The following PRDM8 variants were observed in gnomAD, a reference collection of about 807,000 sequenced individuals.
PRDM8 encodes the protein PR/SET domain 8, also known as PR domain zinc finger protein 8.
PRDM8 carries 13 observed loss-of-function variants against 46.5 expected under a neutral mutation model. That is an observed-to-expected ratio of 0.28 (90% CI 0.18 to 0.44). The LOEUF is 0.44. Ranked by LOEUF, PRDM8 falls within the 20% of genes least tolerant of loss-of-function variation. The pLI, the probability that PRDM8 is intolerant of heterozygous loss-of-function variation, is 1.00. For missense variants in PRDM8, 998 were observed against 955.0 expected (o/e 1.04, Z -0.59); for synonymous variants, 473 against 438.4 (o/e 1.08, Z -0.98).
chr4:80,203,222 C>A lies in PRDM8; in HGVS notation c.1760C>A (p.Ala587Asp), dbSNP rs1738708321. 3 of 1,554,294 alleles carry A rather than the reference C, an allele frequency of 1.9e-6. No homozygotes were observed. The highest frequency in any genetic ancestry group is 2.6e-6 in the Non-Finnish European group (3 of 1,151,232). Residue 587 changes from alanine to aspartate, a missense_variant, in exon 4 of 4, where the codon GCT (alanine) becomes GAT (aspartate). Transcript: ENST00000415738. ...ACCGCCTTCTGGCCCAAGAGCTCCG[C>A]TGCCGCTGCAGCCGCGGCTGCGGCG... is the stretch of plus-strand genomic sequence containing the variant. ...YATAFWPKSS[A>D]AAAAAAAAAA...
chr4:80,188,764 G>T (rs1737313853), intron 1 of PRDM8, among the ~76,000 whole-genome samples: 1 of 152,226 alleles, frequency 6.6e-6, no homozygotes, highest in African/African-American at 2.4e-5. Flanking sequence ...TAAAGCTCCC[G>T]TTCAGGGCTG....
chr4:80,202,188 A>G lies in PRDM8; in HGVS notation c.726A>G (p.Glu242=). The change falls in exon 4 of 4, where the codon GAA becomes GAG. Residue 242 remains glutamate (E), a synonymous_variant. Transcript: ENST00000415738. The stretch of plus-strand genomic sequence containing the variant: ...ACCACTACCCATCCCCCTCCCCGGA[A>G]AGCAGCAACCCATCCGCTGCCGCCG... ...PLHHYPSPSP[E]SSNPSAAAGG... 4 of 1,611,290 alleles carry G rather than the reference A, an allele frequency of 2.5e-6. No individual in the cohort carries two copies. The highest frequency in any genetic ancestry group is 3.4e-6 in the Non-Finnish European group (4 of 1,179,616).
At position 80,200,148 on chromosome 4, in the gene PRDM8, C is replaced by T. The variant is rs752328279; in HGVS notation, c.68C>T (p.Thr23Ile). 1.2e-6 allele frequency: 2 copies of T among 1,614,126 alleles called. No individual in the cohort carries two copies. Among genetic ancestry groups the T allele is most frequent in the Non-Finnish European group, 1.7e-6 (2 of 1,180,004 alleles). ...GCCAAGGCTGTCCAACAATGTCTGA[C>T]AGATATTTTTACCAGCGTTTACACC... Reference protein sequence around the residue: ...GDAKAVQQCLTDIFTSVYTTC... With the variant: ...GDAKAVQQCLIDIFTSVYTTC... The change falls in exon 2 of 4, where the codon ACA becomes ATA. Residue 23 changes from threonine (T) to isoleucine (I), a missense_variant. Thr to Ile is a moderately conservative substitution (Grantham distance 89). Transcript: ENST00000415738.
chr4:80,196,748 A>C (rs907815910), upstream of PRDM8: 24 of 871,466 alleles, frequency 2.8e-5, no homozygotes, highest in Non-Finnish European at 3.2e-5. Flanking sequence ...AAACAAACAA[A>C]AAAAAAACAG....
In PRDM8 at chr4:80,201,931, T is replaced by A. The variant is rs1214359984; in HGVS notation, c.469T>A (p.Cys157Ser). Residue 157 changes from cysteine to serine, a missense_variant, in exon 4 of 4, where the codon TGC (cysteine) becomes AGC (serine). Transcript: ENST00000415738. ...CTAAGCAGGGTCGTCCCCTTACACA[T>A]GCCTGGAATGCAGCCAACGTTTCCA... ...NKMNGSSPYT[C>S]LECSQRFQFE... is the part of the protein sequence containing the mutation. 2 of 1,613,976 alleles carry A rather than the reference T, an allele frequency of 1.2e-6. No homozygotes were observed. Among genetic ancestry groups the A allele is most frequent in the Admixed American group, 1.7e-5 (1 of 60,016 alleles).
At chr4:80,191,247 A>G (rs1001744016) in intron 1 of PRDM8, among the ~76,000 whole-genome samples, 1 of 152,236 alleles carries the variant, frequency 6.6e-6, no homozygotes, top group African/African-American at 2.4e-5. Context: ...CCATATATGC[A>G]TAGAGGACAA....
In PRDM8 at chr4:80,200,182, C is replaced by T. The variant is rs1345714740; in HGVS notation, c.102C>T (p.Asp34=). 4 of 1,613,990 alleles carry T rather than the reference C, an allele frequency of 2.5e-6. No individual in the cohort carries two copies. Among genetic ancestry groups the T allele is most frequent in the Non-Finnish European group, 3.4e-6 (4 of 1,179,968 alleles). ...DIFTSVYTTC[D]IPENAIFGPC... ...TTACCAGCGTTTACACCACCTGCGACATCCCTGAGAATGCTATATTTGGTC... is the reference window on the plus strand; with the variant it reads ...TTACCAGCGTTTACACCACCTGCGATATCCCTGAGAATGCTATATTTGGTC... Residue 34 remains aspartate (D), a synonymous_variant, in exon 2 of 4, where the codon GAC becomes GAT. Coordinates refer to ENST00000415738, the MANE Select transcript of PRDM8 (RefSeq NM_001099403.2).
At chr4:80,194,332 A>G, upstream of PRDM8, 1 of 556,450 alleles carries the variant, frequency 1.8e-6, no homozygotes, top group Non-Finnish European at 2.3e-6. Context: ...GCATAAACCC[A>G]TTGTTCCATA....
chr4:80,191,678 GACTT>G (rs1737558750), intron 2 of PRDM8: 1 of 152,168 alleles, frequency 6.6e-6, no homozygotes, highest in African/African-American at 2.4e-5. Context: ...AGTGAGGAAA[GACTT>G]ACATTGGTAG....
At chr4:80,199,709 ATGTGTG>A (rs34334135) in intron 1 of PRDM8, among the ~76,000 whole-genome samples, 189 of 133,006 alleles carry the variant, frequency 1.4e-3, no homozygotes, top group Middle Eastern at 0.011. Context: ...ATATATATAT[ATGTGTG>A]TGTGTGTGTG....
chr4:80,203,766 A>G lies in PRDM8; in HGVS notation c.*234A>G. 1 of 406,144 alleles carries G rather than the reference A, an allele frequency of 2.5e-6. No individual in the cohort carries two copies. Among genetic ancestry groups the G allele is most frequent in the Non-Finnish European group, 4.3e-6 (1 of 233,734 alleles). 25.2% of individuals were successfully genotyped at this position (406,144 alleles called of 1,614,324 possible). ...CCCCCCCACACACACACACAGACAC[A>G]CTCACACACAAGAGCCAGGATGGTG... On this transcript the variant is annotated 3_prime_UTR_variant, in exon 4 of 4. Transcript: ENST00000415738.
chr4:80,191,764 T>C (rs904739807), intron 2 of PRDM8, among the ~76,000 whole-genome samples: 19 of 152,222 alleles, frequency 1.2e-4, no homozygotes, highest in African/African-American at 4.3e-4. Context: ...ACATCCCCCA[T>C]TGATGCTAAA....
rs945031664 is a variant in PRDM8, at chr4:80,203,202, C to T, written c.1740C>T (p.Ala580=). ...AGAGCCCCTTCCTGTACGCCACCGC[C>T]TTCTGGCCCAAGAGCTCCGCTGCCG... is the stretch of plus-strand genomic sequence containing the variant. ...PKQSPFLYAT[A]FWPKSSAAAA... Residue 580 remains alanine (A), a synonymous_variant, in exon 4 of 4, where the codon GCC becomes GCT. Transcript: ENST00000415738. 5.8e-6 allele frequency: 9 copies of T among 1,551,794 alleles called. No homozygotes were observed. The highest frequency in any genetic ancestry group is 7.0e-6 in the Non-Finnish European group (8 of 1,150,974).
upstream of PRDM8, chr4:80,197,481 AGT>A: frequency 1.0e-6 from 1 of 985,858 alleles, no homozygotes; most frequent in Non-Finnish European, 1.2e-6. Context: ...GCAAACAAAA[AGT>A]GTGTGTCTGC....
chr4:80,203,377 G>T lies in PRDM8; in HGVS notation c.1915G>T (p.Asp639Tyr), dbSNP rs1409411962. 1 of 1,613,872 alleles carries T rather than the reference G, an allele frequency of 6.2e-7. No individual in the cohort carries two copies. Among genetic ancestry groups the T allele is most frequent in the Non-Finnish European group, 8.5e-7 (1 of 1,180,000 alleles). Reference sequence around the variant, plus strand: ...CAATGCCTCCTTCCGCATGACCTCCGACCTGGTGTACCATATGAGGTCGCA... The same window carrying T: ...CAATGCCTCCTTCCGCATGACCTCCTACCTGGTGTACCATATGAGGTCGCA... The part of the protein sequence containing the change: ...KCNASFRMTS[D>Y]LVYHMRSHHK... Residue 639 changes from aspartate to tyrosine, a missense_variant, in exon 4 of 4, where the codon GAC becomes TAC. Transcript: ENST00000415738.
chr4:80,185,581 G>C (rs1737012601), intron 1 of PRDM8: 1 of 152,302 alleles, frequency 6.6e-6, no homozygotes, highest in African/African-American at 2.4e-5. Context: ...ACAGAGTGTG[G>C]TTGGGAGCTG....
At position 80,202,503 on chromosome 4, in the gene PRDM8, T is replaced by A; in HGVS notation, c.1041T>A (p.Asp347Glu). 1 of 1,538,282 alleles carries A rather than the reference T, an allele frequency of 6.5e-7. No homozygotes were observed. Among genetic ancestry groups the A allele is most frequent in the Non-Finnish European group, 8.7e-7 (1 of 1,145,980 alleles). Residue 347 changes from aspartate (D) to glutamate (E), a missense_variant, in exon 4 of 4, where the codon GAT (aspartate) becomes GAA (glutamate). By Grantham distance (45) the Asp-to-Glu change is conservative. Transcript: ENST00000415738. ...GGCCCCTCCCGGCCTCCAAGGAGGA[T>A]CTGGTGTGCACACCGCAGCAGTACC... is the stretch of plus-strand genomic sequence containing the variant. ...VERPLPASKEDLVCTPQQYRA... is the reference protein window; with the variant it reads ...VERPLPASKEELVCTPQQYRA...
chr4:80,201,621 C>G, intron 3 of PRDM8, 100 bp downstream of exon 3: 1 of 1,194,916 alleles, frequency 8.4e-7, no homozygotes, highest in Non-Finnish European at 1.2e-6. Flanking sequence ...CCTTTCTTCC[C>G]TTCGGGTGTC....
intron 2 of PRDM8, among the ~76,000 whole-genome samples, chr4:80,192,463 T>A (rs935722744): frequency 4.6e-5 from 7 of 152,212 alleles, no homozygotes; most frequent in African/African-American, 1.4e-4. Context: ...CATTTGAGAC[T>A]GCTGGACACC....
Sources: gnomAD v4.1 joint callset for allele counts (sites outside exome capture counted in the v4.1 genomes callset) on GRCh38, gnomAD v4.1.1 for gene constraint, MANE v1.5 for transcripts, NCBI Gene and HGNC (gene_info 2026-07-23, HGNC 2026-07-21) for gene names.